Variants in CORO7 observed in about 807,000 individuals in gnomAD.
CORO7 encodes the protein coronin 7.
Under a neutral mutation model 126.6 loss-of-function variants are expected in CORO7, and 107 were observed. The observed-to-expected ratio is 0.85, with a 90% confidence interval of 0.72 to 0.99. CORO7 has a LOEUF of 0.99. Ranked by LOEUF, CORO7 falls within the 50% of genes least tolerant of loss-of-function variation. The pLI, the probability that CORO7 is intolerant of heterozygous loss-of-function variation, is 0.00. For missense variants in CORO7, 1,314 were observed against 1,255.8 expected (o/e 1.05, Z -0.70); for synonymous variants, 603 against 536.8 (o/e 1.12, Z -1.70).
In CORO7 at chr16:4,362,673, TGA is replaced by T. The variant is rs2054219914; in HGVS notation, c.1339_1340del (p.Ser447ThrfsTer53). 1 of 1,505,188 alleles carries T rather than the reference TGA, an allele frequency of 6.6e-7. No individual in the cohort carries two copies. Among genetic ancestry groups the T allele is most frequent in the Non-Finnish European group, 8.9e-7 (1 of 1,127,796 alleles). The allele number at this position is 1,505,188 out of a possible 1,614,324, so 93.2% of individuals were successfully genotyped here. A position where few individuals can be genotyped will look rare whatever the true frequency, so the allele number is the denominator to read the frequency against. Reference sequence around the variant, plus strand: ...TCCCGATGCCACTGGTGCTGGAGAGTGAGGGCCCCAGGCTGGAGGGCGTGGAG... The same window carrying T: ...TCCCGATGCCACTGGTGCTGGAGAGTGGGCCCCAGGCTGGAGGGCGTGGAG... ...SPSTPSSLGP[S>X]LSSTSGIGTS... On this transcript the variant is annotated frameshift_variant, in exon 15 of 28. Transcript: ENST00000251166. LOFTEE classifies it high-confidence loss of function. The surrounding 1 kb of genome is among the most constrained non-coding windows in gnomAD (Gnocchi z 5.3).
At position 4,362,691 on chromosome 16, in the gene CORO7, G is replaced by C. The variant is rs201660347; in HGVS notation, c.1323C>G (p.Pro441=). The stretch of plus-strand genomic sequence containing the variant: ...TGGAGAGTGAGGGCCCCAGGCTGGA[G>C]GGCGTGGAGGGCGAGGTCAGCGAAC... ...PPSSLTSPST[P]SSLGPSLSST... is the part of the protein sequence containing the mutation. The change falls in exon 15 of 28, where the codon CCC becomes CCG. Residue 441 remains proline (P), a synonymous_variant. Transcript: ENST00000251166. This position sits in a 1 kb window ranked among gnomAD's most constrained non-coding sequence, Gnocchi z 5.3. The C allele has an allele frequency of 5.8e-5, 85 of 1,473,666 alleles. No homozygotes were observed. The highest frequency in any genetic ancestry group is 4.1e-5 in the Non-Finnish European group (46 of 1,111,108). The allele number at this position is 1,473,666 out of a possible 1,614,324, so 91.3% of individuals were successfully genotyped here. A position where few individuals can be genotyped will look rare whatever the true frequency, so the allele number is the denominator to read the frequency against.
chr16:4,392,935 G>A (rs1485002303), intron 7 of CORO7, among the ~76,000 whole-genome samples: 1 of 152,232 alleles, frequency 6.6e-6, no homozygotes. Flanking sequence ...AGCCCCGCAG[G>A]GGGGCTCCCT....
intron 7 of CORO7, among the ~76,000 whole-genome samples, chr16:4,390,995 C>A (rs533478132): frequency 1.3e-5 from 2 of 152,206 alleles, no homozygotes; most frequent in Non-Finnish European, 2.9e-5. Context: ...TTGTCCGTGC[C>A]CAGCCACTCC....
At chr16:4,388,699 G>A in intron 7 of CORO7, 68 bp from the exon 8 acceptor site, 6 of 1,519,888 alleles carry the variant, frequency 3.9e-6, no homozygotes, top group Non-Finnish European at 5.3e-6. Flanking sequence ...CCTGGAATGG[G>A]CCTGAGCTGG....
chr16:4,395,239 T>C, intron 7 of CORO7, 50 bp downstream of exon 7: 3 of 1,612,604 alleles, frequency 1.9e-6, no homozygotes, highest in Non-Finnish European at 2.5e-6. Context: ...CACTGGGTCC[T>C]CAGCCTCAGT....
chr16:4,372,491 G>T (rs1179208670), intron 9 of CORO7, among the ~76,000 whole-genome samples: 1 of 152,220 alleles, frequency 6.6e-6, no homozygotes, highest in African/African-American at 2.4e-5. Flanking sequence ...GAGGGGCGGG[G>T]AGTGGCTGGT....
chr16:4,407,544 G>A lies in CORO7; in HGVS notation c.444C>T (p.Thr148=), dbSNP rs1040194006. The A allele has an allele frequency of 1.9e-6, 3 of 1,579,894 alleles. No homozygotes were observed. The African/African-American group carries it at 4.0e-5, about 21-fold the overall frequency. ...TGGCTGCGTCCCAGACCTTCACAGT[G>A]GTGCCTGCTGCGCTCACCAGAATGC... ...SDGILVSAAG[T]TVKVWDAAKQ... is the part of the protein sequence containing the mutation. Residue 148 remains threonine (T), a synonymous_variant, in exon 5 of 28, where the codon ACC becomes ACT. Coordinates refer to ENST00000251166, the MANE Select transcript of CORO7 (RefSeq NM_024535.5).
At chr16:4,398,184 T>A (rs945031899) in intron 6 of CORO7, among the ~76,000 whole-genome samples, 2 of 152,062 alleles carry the variant, frequency 1.3e-5, no homozygotes, top group African/African-American at 4.8e-5. Context: ...CCTCCCAAAG[T>A]GCTGGGATTA....
At chr16:4,405,648 A>G (rs897612952) in intron 5 of CORO7, 81 bp from the exon 6 acceptor site, 6 of 1,515,690 alleles carry the variant, frequency 4.0e-6, no homozygotes, top group Non-Finnish European at 5.4e-6. Flanking sequence ...GCTGGGGGGA[A>G]CTCCCAGAGC....
intron 2 of CORO7, 112 bp from the exon 3 acceptor site, chr16:4,412,542 C>A (rs2056250733): frequency 1.8e-6 from 2 of 1,102,016 alleles, no homozygotes; most frequent in Non-Finnish European, 2.7e-6. Flanking sequence ...CTTCCCAGAG[C>A]CTCTACCAAT....
chr16:4,403,584 G>T (rs560333812), intron 6 of CORO7, among the ~76,000 whole-genome samples: 17 of 152,246 alleles, frequency 1.1e-4, no homozygotes, highest in East Asian at 5.8e-4. Flanking sequence ...CATCCACTGG[G>T]GAAGCAGCAG....
chr16:4,414,700 T>C (rs886826713), intron 1 of CORO7, among the ~76,000 whole-genome samples: 2 of 152,284 alleles, frequency 1.3e-5, no homozygotes, highest in Non-Finnish European at 2.9e-5. Context: ...CAGTCTGTAG[T>C]TCCATGCCTA....
intron 7 of CORO7, among the ~76,000 whole-genome samples, chr16:4,395,035 G>A (rs538395857): frequency 1.7e-4 from 26 of 152,324 alleles, no homozygotes; most frequent in Non-Finnish European, 3.7e-4. Flanking sequence ...GAAGCCACAC[G>A]ATGGCCTCCG....
chr16:4,389,928 G>A (rs1312278186), intron 7 of CORO7, among the ~76,000 whole-genome samples: 1 of 152,230 alleles, frequency 6.6e-6, no homozygotes, highest in African/African-American at 2.4e-5. Flanking sequence ...CTAGGAGCTG[G>A]CAGTGGGGCC....
chr16:4,400,627 C>G (rs771054442), intron 6 of CORO7, among the ~76,000 whole-genome samples: 41 of 151,314 alleles, frequency 2.7e-4, no homozygotes, highest in Non-Finnish European at 4.1e-4. Flanking sequence ...GAGTGAGACT[C>G]TGTCTCAAAA....
intron 7 of CORO7, among the ~76,000 whole-genome samples, chr16:4,391,235 C>A (rs1225853797): frequency 1.3e-5 from 2 of 152,062 alleles, no homozygotes; most frequent in African/African-American, 4.8e-5. Flanking sequence ...GCAGCCTGGG[C>A]CACAAACTGA....
intron 9 of CORO7, among the ~76,000 whole-genome samples, chr16:4,375,875 C>T (rs954585696): frequency 2.0e-5 from 3 of 152,170 alleles, no homozygotes; most frequent in Admixed American, 6.5e-5. Flanking sequence ...ATGTGCAGCC[C>T]GGCGGGCAAA....
intron 8 of CORO7, among the ~76,000 whole-genome samples, 155 bp downstream of exon 8, chr16:4,388,388 CCT>C (rs1431283940): frequency 1.3e-5 from 2 of 152,204 alleles, no homozygotes; most frequent in Admixed American, 6.5e-5. Flanking sequence ...CCGTCAGTCC[CCT>C]GAGGCTCTGA....
chr16:4,360,448 A>AG lies in CORO7; in HGVS notation c.2017dup (p.Leu673ProfsTer20), dbSNP rs2054128376. The AG allele has an allele frequency of 6.2e-7, 1 of 1,612,738 alleles. No individual in the cohort carries two copies. Among genetic ancestry groups the AG allele is most frequent in the Non-Finnish European group, 8.5e-7 (1 of 1,179,788 alleles). Reference sequence around the variant, plus strand: ...CCCCAGCCCCTGTGTGCTCACCTGCAGGGGCTCAGGGCCACTCCGGGGCCT... The same window carrying AG: ...CCCCAGCCCCTGTGTGCTCACCTGCAGGGGGCTCAGGGCCACTCCGGGGCCT... On this transcript the variant is annotated frameshift_variant, in exon 20 of 28. Transcript: ENST00000251166. LOFTEE classifies it high-confidence loss of function.
Sources: gnomAD v4.1 joint callset for allele counts (sites outside exome capture counted in the v4.1 genomes callset) on GRCh38, gnomAD v4.1.1 for gene constraint, Gnocchi (gnomAD v3.1) non-coding constraint, MANE v1.5 for transcripts, NCBI Gene and HGNC (gene_info 2026-07-23, HGNC 2026-07-21) for gene names.